Variants in PTPN22 observed in about 807,000 individuals in gnomAD.
The protein encoded by PTPN22 is tyrosine-protein phosphatase non-receptor type 22.
A neutral mutation model predicts 103.3 loss-of-function variants in PTPN22; 85 were observed. The ratio of observed to expected loss-of-function variants is 0.82; its 90% CI spans 0.69 to 0.99. The LOEUF is 0.99. PTPN22 is among the 50% of genes least tolerant of loss of function. The pLI is 0.00. For synonymous variants in PTPN22, 323 were observed against 310.2 expected (o/e 1.04, Z -0.43); for missense variants, 865 against 936.9 (o/e 0.92, Z 1.00).
intron 14 of PTPN22, 84 bp downstream of exon 14, chr1:113,834,826 C>T: frequency 8.9e-7 from 1 of 1,125,802 alleles, no homozygotes; most frequent in Non-Finnish European, 1.3e-6. Context: ...GCTCACACAT[C>T]AGCTTCCCAA....
chr1:113,838,480 TAA>T, intron 12 of PTPN22, 62 bp downstream of exon 12: 1 of 1,600,052 alleles, frequency 6.2e-7, no homozygotes, highest in Non-Finnish European at 8.5e-7. Context: ...CAATGATGTA[TAA>T]GCATGAGATT....
intron 10 of PTPN22, among the ~76,000 whole-genome samples, chr1:113,851,508 T>C (rs1321353422): frequency 6.6e-6 from 1 of 152,196 alleles, no homozygotes; most frequent in Non-Finnish European, 1.5e-5. Flanking sequence ...GGAGAAACTA[T>C]AGAAAAATAG....
chr1:113,854,448 A>G, intron 9 of PTPN22, 23 bp downstream of exon 9: 1 of 1,595,160 alleles, frequency 6.3e-7, no homozygotes, highest in Non-Finnish European at 8.6e-7. Flanking sequence ...GCAAATGGGA[A>G]GTGCCTGCTG....
intron 1 of PTPN22, among the ~76,000 whole-genome samples, chr1:113,861,752 G>T (rs1364723971): frequency 1.3e-5 from 2 of 152,056 alleles, no homozygotes; most frequent in Admixed American, 1.3e-4. Flanking sequence ...GAACAAATTA[G>T]GGCAAAATTA....
At position 113,825,185 on chromosome 1, in the gene PTPN22, G is replaced by T; in HGVS notation, c.2251-13C>A. ...AAATTTTCAAACTCTACAAAAGAAA[G>T]GAAAAATGTTAGTTTTTTTTCCTGT... is the stretch of plus-strand genomic sequence containing the variant. On this transcript the variant is annotated splice_polypyrimidine_tract_variant and intron_variant, in intron 18 of 20. Coordinates refer to ENST00000359785, the Ensembl canonical transcript of PTPN22. The T allele has an allele frequency of 1.4e-6, 2 of 1,448,862 alleles. No individual in the cohort carries two copies. The highest frequency in any genetic ancestry group is 1.3e-5 in the South Asian group (1 of 76,234). 89.8% of individuals were successfully genotyped at this position (1,448,862 alleles called of 1,614,324 possible).
intron 15 of PTPN22, 58 bp from the exon 16 acceptor site, chr1:113,833,196 C>G (rs997515399): frequency 1.4e-6 from 2 of 1,386,204 alleles, no homozygotes; most frequent in Non-Finnish European, 9.9e-7. Flanking sequence ...ATTATACAAA[C>G]TCAAAGCAAA....
At chr1:113,868,629 C>T (rs1306036563) in intron 1 of PTPN22, among the ~76,000 whole-genome samples, 1 of 151,990 alleles carries the variant, frequency 6.6e-6, no homozygotes, top group Non-Finnish European at 1.5e-5. Flanking sequence ...TAATCACTAC[C>T]CAAAAACAAG....
chr1:113,832,599 T>C, intron 16 of PTPN22, among the ~76,000 whole-genome samples: 1 of 152,346 alleles, frequency 6.6e-6, no homozygotes, highest in Non-Finnish European at 1.5e-5. Context: ...ACCTTTATAT[T>C]ATCTGTATAT....
At chr1:113,854,823 C>A (rs1023658983) in intron 8 of PTPN22, 84 bp downstream of exon 8, 1 of 1,456,236 alleles carries the variant, frequency 6.9e-7, no homozygotes, top group Non-Finnish European at 9.3e-7. Flanking sequence ...TGCTATTAAC[C>A]TTTTCCCCTT....
intron 16 of PTPN22, among the ~76,000 whole-genome samples, chr1:113,830,858 G>C (rs1662487315): frequency 6.6e-6 from 1 of 152,104 alleles, no homozygotes; most frequent in African/African-American, 2.4e-5. Flanking sequence ...AAATGAAAAT[G>C]CAGTAAAGTA....
At position 113,859,468 on chromosome 1, in the gene PTPN22, A is replaced by G. The variant is rs2102134014; in HGVS notation, c.88-8T>C. 1 of 1,591,640 alleles carries G rather than the reference A, an allele frequency of 6.3e-7. No homozygotes were observed. The highest frequency in any genetic ancestry group is 2.2e-5 in the East Asian group (1 of 44,730). On this transcript the variant is annotated splice_region_variant and splice_polypyrimidine_tract_variant and intron_variant, in intron 1 of 20. Coordinates refer to ENST00000359785, the Ensembl canonical transcript of PTPN22. ...AGATTGCCTTTTCAGCTTCTGTAAT[A>G]AGATTCCAAGAAAAATTAATCTTCC... is the stretch of plus-strand genomic sequence containing the variant.
At chr1:113,825,889 A>G (rs1333316056) in intron 18 of PTPN22, among the ~76,000 whole-genome samples, 1 of 151,854 alleles carries the variant, frequency 6.6e-6, no homozygotes, top group African/African-American at 2.4e-5. Flanking sequence ...AATTTTTTGT[A>G]TTTTTAGTAG....
At chr1:113,833,199 A>C in intron 15 of PTPN22, 61 bp from the exon 16 acceptor site, 2 of 1,372,504 alleles carry the variant, frequency 1.5e-6, no homozygotes, top group Admixed American at 2.3e-5. Flanking sequence ...ATACAAACTC[A>C]AAGCAAAAAA....
At chr1:113,843,049 G>A (rs1176594608) in intron 11 of PTPN22, among the ~76,000 whole-genome samples, 1 of 115,630 alleles carries the variant, frequency 8.6e-6, no homozygotes, top group African/African-American at 3.6e-5. Context: ...GCAGTGAGCC[G>A]AGATCCCGCC....
intron 5 of PTPN22, 98 bp from the exon 6 acceptor site, chr1:113,856,717 T>C: frequency 1.3e-6 from 2 of 1,540,208 alleles, no homozygotes; most frequent in Non-Finnish European, 8.9e-7. Context: ...TCCTTCACCT[T>C]AGGTTAGGTG....
intron 18 of PTPN22, 78 bp downstream of exon 18, chr1:113,829,514 A>C: frequency 1.4e-6 from 1 of 692,130 alleles, no homozygotes; most frequent in Non-Finnish European, 2.4e-6. Context: ...CTAATTTTCC[A>C]TCTTAATGCT....
chr1:113,858,643 CTTTT>C (rs371112671), intron 3 of PTPN22, 70 bp from the exon 4 acceptor site: 575 of 698,130 alleles, frequency 8.2e-4, no homozygotes, highest in Middle Eastern at 1.4e-3. Context: ...CCTCCGCTTC[CTTTT>C]TTTTTTTTTT....
At position 113,856,323 on chromosome 1, in the gene PTPN22, A is replaced by G. The variant is rs530039675; in HGVS notation, c.540+59T>C. On this transcript the variant is annotated intron_variant, in intron 7 of 20. Coordinates refer to ENST00000359785, the Ensembl canonical transcript of PTPN22. The stretch of plus-strand genomic sequence containing the variant: ...TGCCCAGCCTGAGCTACACACATCT[A>G]TATTTACTTGCCTGATCTCTATAGG... 7.3e-6 allele frequency: 11 copies of G among 1,499,360 alleles called. No individual in the cohort carries two copies. The East Asian group carries it at 9.8e-5, about 13-fold the overall frequency. The allele number at this position is 1,499,360 out of a possible 1,614,324, so 92.9% of individuals were successfully genotyped here.
intron 19 of PTPN22, among the ~76,000 whole-genome samples, chr1:113,821,353 ACT>A (rs1339768764): frequency 2.0e-5 from 3 of 151,492 alleles, no homozygotes; most frequent in African/African-American, 7.3e-5. Context: ...AGACAGTCTC[ACT>A]CTGTCGCCCA....
Sources: gnomAD v4.1 joint callset for allele counts (sites outside exome capture counted in the v4.1 genomes callset) on GRCh38, gnomAD v4.1.1 for gene constraint, MANE v1.5 for transcripts, NCBI Gene and HGNC (gene_info 2026-07-23, HGNC 2026-07-21) for gene names.